ZFHX4: variants seen among roughly 807,000 people sequenced by gnomAD.
ZFHX4 encodes zinc finger homeobox protein 4.
A neutral mutation model predicts 267.6 loss-of-function variants in ZFHX4; 56 were observed. The observed-to-expected ratio is 0.21, with a 90% CI of 0.17 to 0.26. ZFHX4 has a LOEUF of 0.26. Ranked by LOEUF, ZFHX4 falls within the 10% of genes least tolerant of loss-of-function variation. ZFHX4 has a pLI of 1.00. For synonymous variants in ZFHX4, 1,778 were observed against 1,665.6 expected (o/e 1.07, Z -1.64); for missense variants, 4,332 against 4,420.0 (o/e 0.98, Z 0.56).
At chr8:76,829,096 C>A (rs1464251802) in intron 4 of ZFHX4, among the ~76,000 whole-genome samples, 2 of 151,996 alleles carry the variant, frequency 1.3e-5, no homozygotes, top group African/African-American at 4.8e-5. Context: ...CTGAATGCAT[C>A]CCAAATTTTG....
At chr8:76,724,469 T>G (rs1392045741) in intron 3 of ZFHX4, among the ~76,000 whole-genome samples, 2 of 152,038 alleles carry the variant, frequency 1.3e-5, no homozygotes, top group East Asian at 3.9e-4. Context: ...TTTTGCCTCT[T>G]AGGACAAGAG....
chr8:76,824,823 G>A (rs1216612623), intron 4 of ZFHX4, among the ~76,000 whole-genome samples: 1 of 151,964 alleles, frequency 6.6e-6, no homozygotes, highest in African/African-American at 2.4e-5. Context: ...CTCCTGCTTC[G>A]GCCTCCCAAA....
At chr8:76,737,263 C>T (rs1038644243) in intron 3 of ZFHX4, among the ~76,000 whole-genome samples, 5 of 152,130 alleles carry the variant, frequency 3.3e-5, no homozygotes, top group African/African-American at 1.2e-4. Context: ...ATAACTGATA[C>T]AGATTTTTAA....
At chr8:76,778,506 C>A in intron 4 of ZFHX4, 67 bp downstream of exon 4, 4 of 1,225,662 alleles carry the variant, frequency 3.3e-6, no homozygotes, top group Non-Finnish European at 4.8e-6. Context: ...CACACACACA[C>A]ACAAACACAC....
intron 4 of ZFHX4, among the ~76,000 whole-genome samples, chr8:76,793,544 C>G (rs1256520268): frequency 1.3e-5 from 2 of 152,102 alleles, no homozygotes; most frequent in Non-Finnish European, 2.9e-5. Context: ...TTGCTTTTGC[C>G]CTTCCATAAT....
chr8:76,822,431 T>G (rs1811673922), intron 4 of ZFHX4, among the ~76,000 whole-genome samples: 3 of 151,432 alleles, frequency 2.0e-5, no homozygotes, highest in Admixed American at 2.0e-4. Context: ...TACCAATCAC[T>G]ATCTGATCCT....
At chr8:76,778,720 T>A (rs190010191) in intron 4 of ZFHX4, among the ~76,000 whole-genome samples, 178 of 152,250 alleles carry the variant, frequency 1.2e-3, no homozygotes, top group African/African-American at 3.5e-3. Flanking sequence ...CACAGTGAAA[T>A]TTTTCCCCCC....
intron 3 of ZFHX4, among the ~76,000 whole-genome samples, chr8:76,755,102 A>G (rs937193868): frequency 6.6e-6 from 1 of 152,160 alleles, no homozygotes; most frequent in Non-Finnish European, 1.5e-5. Flanking sequence ...TTTAATTTGT[A>G]TTTATTTAAC....
In ZFHX4 at chr8:76,863,260, C is replaced by G; in HGVS notation, c.9546C>G (p.Thr3182=). ...PPSSSLSGQQ[T]EQQNKESEKK... ...CATCCTCTCTGTCAGGACAGCAGACCGAGCAACAGAACAAAGAATCTGAGA... is the reference window on the plus strand; with the variant it reads ...CATCCTCTCTGTCAGGACAGCAGACGGAGCAACAGAACAAAGAATCTGAGA... The change falls in exon 11 of 11, where the codon ACC becomes ACG. Residue 3182 remains threonine, a synonymous_variant. Coordinates refer to ENST00000651372, the MANE Select transcript of ZFHX4 (RefSeq NM_024721.5). The G allele has an allele frequency of 6.2e-7, 1 of 1,606,274 alleles. No individual in the cohort carries two copies. The highest frequency in any genetic ancestry group is 8.5e-7 in the Non-Finnish European group (1 of 1,175,980).
intron 3 of ZFHX4, among the ~76,000 whole-genome samples, chr8:76,774,897 C>T (rs1397485011): frequency 6.6e-6 from 1 of 151,958 alleles, no homozygotes; most frequent in African/African-American, 2.4e-5. Flanking sequence ...GTTTTTACAC[C>T]TTTCATTTTT....
At chr8:76,822,155 C>CT (rs1441214775) in intron 4 of ZFHX4, among the ~76,000 whole-genome samples, 3 of 152,156 alleles carry the variant, frequency 2.0e-5, no homozygotes, top group Admixed American at 2.0e-4. Context: ...TTTCCCTCAT[C>CT]TTAGTAAATG....
intron 4 of ZFHX4, among the ~76,000 whole-genome samples, chr8:76,829,865 G>A (rs1161611869): frequency 6.6e-6 from 1 of 152,036 alleles, no homozygotes; most frequent in Non-Finnish European, 1.5e-5. Context: ...GGTTTTTGTA[G>A]ATGTAACCAT....
At chr8:76,717,419 C>T (rs1327405146) in intron 3 of ZFHX4, among the ~76,000 whole-genome samples, 2 of 152,142 alleles carry the variant, frequency 1.3e-5, no homozygotes, top group African/African-American at 2.4e-5. Context: ...AATCTGGGTA[C>T]CTGATCCGGC....
chr8:76,727,139 C>T (rs966685494), intron 3 of ZFHX4, among the ~76,000 whole-genome samples: 1 of 152,056 alleles, frequency 6.6e-6, no homozygotes, highest in Non-Finnish European at 1.5e-5. Context: ...TCAGCCTGTT[C>T]GTCTGCGTGC....
At chr8:76,746,685 AT>A (rs143784831) in intron 3 of ZFHX4, among the ~76,000 whole-genome samples, 2,260 of 152,306 alleles carry the variant, frequency 0.015, 68 homozygotes, top group African/African-American at 0.05. Context: ...CAGAAATAAC[AT>A]TTTGCAGTCA....
intron 3 of ZFHX4, among the ~76,000 whole-genome samples, chr8:76,737,152 G>C (rs779943679): frequency 6.6e-6 from 1 of 152,102 alleles, no homozygotes; most frequent in African/African-American, 2.4e-5. Flanking sequence ...AGTGTTTTAC[G>C]CTCTAGGTAA....
intron 3 of ZFHX4, among the ~76,000 whole-genome samples, chr8:76,737,846 A>G (rs1402409590): frequency 6.6e-6 from 1 of 152,130 alleles, no homozygotes; most frequent in Admixed American, 6.6e-5. Flanking sequence ...ATCCATCATA[A>G]CTTGTTAGCA....
At chr8:76,701,646 G>A (rs1808106250) in intron 1 of ZFHX4, among the ~76,000 whole-genome samples, 1 of 152,158 alleles carries the variant, frequency 6.6e-6, no homozygotes, top group Non-Finnish European at 1.5e-5. Flanking sequence ...TTTAGAATGT[G>A]TGTAATAATT....
chr8:76,825,959 G>T (rs149657254), intron 4 of ZFHX4, among the ~76,000 whole-genome samples: 3,006 of 152,192 alleles, frequency 0.02, 50 homozygotes, highest in Non-Finnish European at 0.029. Flanking sequence ...GAGAGTAAAG[G>T]TACCTTTGTA....
Sources: gnomAD v4.1 joint callset for allele counts (sites outside exome capture counted in the v4.1 genomes callset) on GRCh38, gnomAD v4.1.1 for gene constraint, MANE v1.5 for transcripts, NCBI Gene and HGNC (gene_info 2026-07-23, HGNC 2026-07-21) for gene names.